The following TRPM2 variants were observed in gnomAD, a reference collection of about 807,000 sequenced individuals.
TRPM2 encodes transient receptor potential cation channel subfamily M member 2.
In TRPM2, 161 loss-of-function variants were observed where a neutral mutation model predicts 174.0. That is an observed-to-expected ratio of 0.93 (90% CI 0.81 to 1.05). The LOEUF (loss-of-function observed/expected upper bound fraction) is 1.05. Among genes scored for constraint, TRPM2 ranks in the 50% least tolerant of loss-of-function variants. TRPM2 has a pLI of 0.00. For synonymous variants in TRPM2, 954 were observed against 861.3 expected (o/e 1.11, Z -1.88); for missense variants, 2,057 against 2,038.0 (o/e 1.01, Z -0.18).
chr21:44,420,417 T>G (rs143405109), intron 22 of TRPM2, among the ~76,000 whole-genome samples: 4 of 152,290 alleles, frequency 2.6e-5, no homozygotes. Flanking sequence ...GCAGGCCCAG[T>G]GCCTAGAAGG....
In TRPM2 at chr21:44,418,657, A is replaced by G. The variant is rs994385534; in HGVS notation, c.3461+102A>G. 14 of 1,432,444 alleles carry G rather than the reference A, an allele frequency of 9.8e-6. No individual in the cohort carries two copies. In the African/African-American group the frequency reaches 1.7e-4, roughly 17 times the overall value. The allele number at this position is 1,432,444 out of a possible 1,614,324, so 88.7% of individuals were successfully genotyped here. A position where few individuals can be genotyped will look rare whatever the true frequency, so the allele number is the denominator to read the frequency against. On this transcript the variant is annotated intron_variant, in intron 22 of 31. Coordinates refer to ENST00000397928, the MANE Select transcript of TRPM2 (RefSeq NM_003307.4). The stretch of plus-strand genomic sequence containing the variant: ...ATGTCCCACCTGGGGAGGCCCAGCA[A>G]TGCCTCACCGGTGAGGGAGCGCTGT...
rs141832926 is a variant in TRPM2 at position 44,406,003 on chromosome 21, C to T, written c.2756C>T (p.Thr919Met). 3.0e-5 allele frequency: 48 copies of T among 1,608,398 alleles called. No homozygotes were observed. Among genetic ancestry groups the T allele is most frequent in the South Asian group, 8.8e-5 (8 of 91,090 alleles). The change falls in exon 18 of 32, where the codon ACG (threonine) becomes ATG (methionine). Residue 919 changes from threonine (T) to methionine (M), a missense_variant. Thr to Met is a moderately conservative substitution (Grantham distance 81). Coordinates refer to ENST00000397928, the MANE Select transcript of TRPM2 (RefSeq NM_003307.4). ...ATGCACATTTTTACCATCAGTAAGA[C>T]GCTGGGGCCCAAGATCATCATTGTG... ...RLMHIFTISK[T>M]LGPKIIIVKR...
intron 9 of TRPM2, among the ~76,000 whole-genome samples, chr21:44,385,487 G>A (rs1201805782): frequency 6.6e-6 from 1 of 152,182 alleles, no homozygotes; most frequent in African/African-American, 2.4e-5. Flanking sequence ...AATAAGGGAA[G>A]GATGCATACT....
chr21:44,408,654 C>CTTTT (rs34026339), intron 19 of TRPM2, among the ~76,000 whole-genome samples: 1 of 102,716 alleles, frequency 9.7e-6, no homozygotes. Context: ...CTCCTTTGCC[C>CTTTT]TTTTTTTTTT....
chr21:44,408,139 G>T (rs1785446), intron 19 of TRPM2, among the ~76,000 whole-genome samples: 1 of 151,850 alleles, frequency 6.6e-6, no homozygotes, highest in Non-Finnish European at 1.5e-5. Flanking sequence ...TAGAGATGGG[G>T]TTTCACCATG....
intron 9 of TRPM2, among the ~76,000 whole-genome samples, chr21:44,385,130 T>G (rs1032665912): frequency 1.3e-5 from 2 of 152,190 alleles, no homozygotes; most frequent in Non-Finnish European, 2.9e-5. Context: ...TGGTTCAACA[T>G]ATGAAAATTA....
Position 44,397,745 on chromosome 21 carries a change from A to C in TRPM2, c.1933-2A>C, listed in dbSNP as rs773423845. On this transcript the variant is annotated splice_acceptor_variant, in intron 12 of 31. Coordinates refer to ENST00000397928, the MANE Select transcript of TRPM2 (RefSeq NM_003307.4). LOFTEE classifies it high-confidence loss of function. ...TCTCACGGTGGCTCCTCTGGTCCCC[A>C]GAGCCAGGACTGCATCGCAGCGGCC... The C allele has an allele frequency of 6.4e-7, 1 of 1,570,452 alleles. No homozygotes were observed. The highest frequency in any genetic ancestry group is 1.8e-5 in the Admixed American group (1 of 54,646).
intron 19 of TRPM2, among the ~76,000 whole-genome samples, chr21:44,409,103 G>A (rs187414705): frequency 1.3e-5 from 2 of 152,216 alleles, no homozygotes; most frequent in Non-Finnish European, 2.9e-5. Flanking sequence ...GCACTGACTT[G>A]TTATTTTCTT....
chr21:44,414,196 G>A (rs369552869), intron 20 of TRPM2, 122 bp downstream of exon 20: 34 of 1,274,058 alleles, frequency 2.7e-5, no homozygotes, highest in Non-Finnish European at 3.2e-5. Flanking sequence ...GCACAGAGGC[G>A]CGTCACTCAT....
At chr21:44,359,743 GTA>G (rs749462922) in intron 2 of TRPM2, among the ~76,000 whole-genome samples, 18 of 131,812 alleles carry the variant, frequency 1.4e-4, no homozygotes, top group South Asian at 6.7e-4. Context: ...ACATATATAT[GTA>G]TATATATATA....
intron 5 of TRPM2, among the ~76,000 whole-genome samples, chr21:44,372,504 AAAAC>A (rs565766412): frequency 9.5e-4 from 145 of 152,370 alleles, no homozygotes; most frequent in African/African-American, 3.1e-3. Flanking sequence ...CAAGCAAAAC[AAAAC>A]AAACAAACAA....
chr21:44,432,004 G>C lies in TRPM2; in HGVS notation c.3975-3127G>C, dbSNP rs1324819029. ...CCCTAACCTTAACCCTAACCCTCTT[G>C]GCCCATTCACAACAGCAGCCTGTGT... On this transcript the variant is annotated intron_variant, in intron 27 of 31. Transcript: ENST00000397928. The surrounding 1 kb of genome is among the most constrained non-coding windows in gnomAD (Gnocchi z 4.9). Among the ~76,000 whole-genome samples, 1 of 152,006 alleles carries C rather than the reference G, an allele frequency of 6.6e-6. No homozygotes were observed. Among genetic ancestry groups the C allele is most frequent in the African/African-American group, 2.4e-5 (1 of 41,362 alleles).
At chr21:44,402,416 G>T (rs1470922504) in intron 16 of TRPM2, among the ~76,000 whole-genome samples, 1 of 152,202 alleles carries the variant, frequency 6.6e-6, no homozygotes, top group African/African-American at 2.4e-5. Context: ...CTGTGGAGGT[G>T]TGGGTGGCAC....
chr21:44,356,019 G>C (rs1242201740), intron 2 of TRPM2, among the ~76,000 whole-genome samples: 1 of 150,754 alleles, frequency 6.6e-6, no homozygotes, highest in Non-Finnish European at 1.5e-5. Context: ...CAATGTAGAT[G>C]TTATAAAAAT....
chr21:44,428,902 C>T (rs937086009), intron 27 of TRPM2, among the ~76,000 whole-genome samples: 1 of 152,264 alleles, frequency 6.6e-6, no homozygotes, highest in African/African-American at 2.4e-5. Context: ...CCAGTCATCT[C>T]ATAGCAGATC....
rs756013023 is a variant in TRPM2 at position 44,379,215 on chromosome 21, G to C, written c.1215+18G>C. On this transcript the variant is annotated intron_variant, in intron 8 of 31. Transcript: ENST00000397928. ...CCAAAAAGGTGAGGCTGACGGGCAC[G>C]ACGGTCACCAGCATGTGGCTGCTTT... The C allele has an allele frequency of 5.0e-6, 8 of 1,609,150 alleles. No individual in the cohort carries two copies. In the South Asian group the frequency reaches 6.6e-5, roughly 13 times the overall value.
chr21:44,383,361 T>C (rs2146216199), intron 9 of TRPM2, among the ~76,000 whole-genome samples: 1 of 152,322 alleles, frequency 6.6e-6, no homozygotes, highest in East Asian at 1.9e-4. Context: ...CACCTGACAC[T>C]GGGAAGCCTT....
At chr21:44,406,903 G>C in intron 19 of TRPM2, 138 bp downstream of exon 19, 2 of 1,171,336 alleles carry the variant, frequency 1.7e-6, no homozygotes, top group Non-Finnish European at 1.2e-6. Flanking sequence ...TGTCCTCCCT[G>C]GGGGCATTCA....
intron 18 of TRPM2, among the ~76,000 whole-genome samples, chr21:44,406,295 C>T (rs991323318): frequency 2.7e-5 from 4 of 149,390 alleles, no homozygotes; most frequent in African/African-American, 1.0e-4. Flanking sequence ...AGGAGCTTTC[C>T]TCCTTGGTCA....
Sources: allele counts gnomAD v4.1 joint callset (sites outside exome capture counted in the v4.1 genomes callset), GRCh38; gene constraint gnomAD v4.1.1; non-coding constraint Gnocchi (gnomAD v3.1); transcripts MANE v1.5; gene names NCBI Gene and HGNC (gene_info 2026-07-23, HGNC 2026-07-21).